The following VWA3B variants were observed in gnomAD, a reference collection of about 807,000 sequenced individuals.
VWA3B encodes the protein von Willebrand factor A domain-containing protein 3B.
In VWA3B, 138 loss-of-function variants were observed where a neutral mutation model predicts 158.3. That is an observed-to-expected ratio of 0.87 (90% CI 0.76 to 1.00). VWA3B has a LOEUF of 1.00. VWA3B is among the 50% of genes least tolerant of loss of function. The pLI is 0.00. For missense variants in VWA3B, 1,555 were observed against 1,565.1 expected, an observed-to-expected ratio of 0.99 and a Z score of 0.11; for synonymous variants, 596 against 587.3, an observed-to-expected ratio of 1.01 and a Z score of -0.21.
chr2:98,134,537 A>T lies in VWA3B; in HGVS notation c.988+598A>T, dbSNP rs144237749. ...GGAAGGTTACTCAGAAAGCCAGGAGATGGGAGTTTCTTTTAAGCTGATGAA... is the reference window on the plus strand; with the variant it reads ...GGAAGGTTACTCAGAAAGCCAGGAGTTGGGAGTTTCTTTTAAGCTGATGAA... On this transcript the variant is annotated intron_variant, in intron 7 of 27. Coordinates refer to ENST00000477737, the MANE Select transcript of VWA3B (RefSeq NM_144992.5). 5.0e-3 allele frequency among the ~76,000 whole-genome samples: 759 copies of T among 152,290 alleles called. 6 individuals carry two copies. Among genetic ancestry groups the T allele is most frequent in the South Asian group, 1.0e-2 (48 of 4,822 alleles).
Position 98,312,391 on chromosome 2 carries a change from C to G in VWA3B, c.*42C>G, listed in dbSNP as rs1267914624. ...CTATGTTTAAGAGACCAGCGTCCTT[C>G]CAGGCTGTTCAGACCTCAGCGTTGA... On this transcript the variant is annotated 3_prime_UTR_variant, in exon 28 of 28. Coordinates refer to ENST00000477737, the MANE Select transcript of VWA3B (RefSeq NM_144992.5). 10 of 1,574,614 alleles carry G rather than the reference C, an allele frequency of 6.4e-6. No individual in the cohort carries two copies. The South Asian group carries it at 1.2e-4, about 19-fold the overall frequency.
chr2:98,196,554 C>A (rs1002739086), intron 12 of VWA3B, among the ~76,000 whole-genome samples: 1 of 152,078 alleles, frequency 6.6e-6, no homozygotes, highest in Non-Finnish European at 1.5e-5. Context: ...CAAGCATAGG[C>A]GTTCCTAAGG....
chr2:98,267,897 GA>G (rs1275842550), intron 21 of VWA3B, among the ~76,000 whole-genome samples: 3 of 152,094 alleles, frequency 2.0e-5, no homozygotes, highest in African/African-American at 7.3e-5. Context: ...TACCATCAGA[GA>G]ATACTACAAA....
At chr2:98,173,040 G>A (rs1178102640) in intron 8 of VWA3B, among the ~76,000 whole-genome samples, 1 of 152,218 alleles carries the variant, frequency 6.6e-6, no homozygotes, top group Non-Finnish European at 1.5e-5. Flanking sequence ...AATGCTAGAT[G>A]TTTAATAAGT....
In VWA3B at chr2:98,194,349, T is replaced by G. The variant is rs991513275; in HGVS notation, c.1606-12T>G. On this transcript the variant is annotated splice_polypyrimidine_tract_variant and intron_variant, in intron 11 of 27. Coordinates refer to ENST00000477737, the MANE Select transcript of VWA3B (RefSeq NM_144992.5). ...AGTGGTTTTATGGTTAAATAATCAT[T>G]GTCTCTTTTAGGAACAGCTGAAATA... The G allele has an allele frequency of 6.2e-7, 1 of 1,611,602 alleles. No homozygotes were observed. Among genetic ancestry groups the G allele is most frequent in the Non-Finnish European group, 8.5e-7 (1 of 1,178,026 alleles).
At chr2:98,260,213 TG>T (rs1687396073) in intron 21 of VWA3B, among the ~76,000 whole-genome samples, 1 of 151,736 alleles carries the variant, frequency 6.6e-6, no homozygotes, top group African/African-American at 2.4e-5. Context: ...TGGGGTGTTT[TG>T]GATATGTTTG....
At chr2:98,163,462 C>T (rs939529752) in intron 8 of VWA3B, among the ~76,000 whole-genome samples, 3 of 152,080 alleles carry the variant, frequency 2.0e-5, no homozygotes, top group Non-Finnish European at 4.4e-5. Flanking sequence ...GGCTTGAACC[C>T]GGGAGGCAGA....
downstream of VWA3B, among the ~76,000 whole-genome samples, chr2:98,316,680 G>T (rs988286085): frequency 3.3e-5 from 5 of 151,272 alleles, no homozygotes; most frequent in African/African-American, 1.2e-4. Context: ...AATCCCCAAT[G>T]TTTGAGGAGG....
chr2:98,096,342 C>A (rs1324976557), intron 2 of VWA3B, among the ~76,000 whole-genome samples: 5 of 151,890 alleles, frequency 3.3e-5, no homozygotes, highest in Non-Finnish European at 7.4e-5. Flanking sequence ...GATTTTGGCT[C>A]ACTGCAACCT....
intron 7 of VWA3B, among the ~76,000 whole-genome samples, chr2:98,137,853 AAAT>A (rs1179802395): frequency 4.2e-5 from 6 of 142,680 alleles, no homozygotes; most frequent in African/African-American, 1.2e-4. Context: ...TAGGAGTGTA[AAAT>A]AATAACAAAT....
rs1681254589 is a variant in VWA3B, at chr2:98,188,006, A to G, written c.1343A>G (p.Tyr448Cys). 10 of 1,613,674 alleles carry G rather than the reference A, an allele frequency of 6.2e-6. No individual in the cohort carries two copies. Among genetic ancestry groups the G allele is most frequent in the Non-Finnish European group, 7.6e-6 (9 of 1,179,874 alleles). Residue 448 changes from tyrosine to cysteine, a missense_variant, in exon 10 of 28, where the codon TAT (tyrosine) becomes TGT (cysteine). Tyr to Cys is a radical substitution (Grantham distance 194). Coordinates refer to ENST00000477737, the MANE Select transcript of VWA3B (RefSeq NM_144992.5). ...AACAAGAAGACAGTCCATGCAAAAT[A>G]TTGCAGCAGGTTTGTCCATGCTCCC... ...ETNKKTVHAK[Y>C]CSRFVHAPWK... is the part of the protein sequence containing the mutation.
intron 22 of VWA3B, among the ~76,000 whole-genome samples, chr2:98,273,550 C>A (rs17427356): frequency 0.039 from 5,908 of 152,278 alleles, 167 homozygotes; most frequent in Middle Eastern, 0.075. Flanking sequence ...TCAAGAGGAC[C>A]AAGAGTGAAT....
At chr2:98,211,726 T>C (rs1683534587) in intron 12 of VWA3B, among the ~76,000 whole-genome samples, 1 of 152,234 alleles carries the variant, frequency 6.6e-6, no homozygotes, top group Non-Finnish European at 1.5e-5. Context: ...CTAGCAGTCC[T>C]TGGACTGCCC....
intron 26 of VWA3B, among the ~76,000 whole-genome samples, chr2:98,307,379 G>C (rs1690590495): frequency 6.6e-6 from 1 of 152,164 alleles, no homozygotes; most frequent in Admixed American, 6.5e-5. Context: ...TAGCAACTTA[G>C]AACTTTTTTA....
At chr2:98,133,628 C>T (rs1676034835) in intron 6 of VWA3B, 196 bp from the exon 7 acceptor site, 1 of 548,202 alleles carries the variant, frequency 1.8e-6, no homozygotes, top group African/African-American at 1.9e-5. Context: ...CCACATCATT[C>T]ACAATTCTCT....
At chr2:98,236,763 G>A in intron 19 of VWA3B, 33 bp downstream of exon 19, 1 of 1,568,200 alleles carries the variant, frequency 6.4e-7, no homozygotes, top group Non-Finnish European at 8.6e-7. Context: ...CCTACTTGAG[G>A]CCATTTTCAT....
At chr2:98,108,795 T>A (rs1209357062) in intron 2 of VWA3B, among the ~76,000 whole-genome samples, 1 of 152,050 alleles carries the variant, frequency 6.6e-6, no homozygotes, top group African/African-American at 2.4e-5. Context: ...AAAATCCTCT[T>A]TGCCAATCTC....
At chr2:98,093,952 G>A (rs576099740) in intron 2 of VWA3B, among the ~76,000 whole-genome samples, 111 of 152,206 alleles carry the variant, frequency 7.3e-4, no homozygotes, top group African/African-American at 2.3e-3. Context: ...GTTCGTTCAC[G>A]TAGCAAATGA....
intron 22 of VWA3B, among the ~76,000 whole-genome samples, chr2:98,289,159 G>A (rs1486054102): frequency 1.3e-5 from 2 of 151,598 alleles, no homozygotes; most frequent in African/African-American, 4.8e-5. Context: ...CCTTCAGTAT[G>A]TAAAATTACG....
Sources: allele counts gnomAD v4.1 joint callset (sites outside exome capture counted in the v4.1 genomes callset), GRCh38; gene constraint gnomAD v4.1.1; transcripts MANE v1.5; gene names NCBI Gene and HGNC (gene_info 2026-07-23, HGNC 2026-07-21).